The following TAOK1 variants were observed in gnomAD, a reference collection of about 807,000 sequenced individuals.
TAOK1 encodes the protein serine/threonine-protein kinase TAO1.
A neutral mutation model predicts 138.3 loss-of-function variants in TAOK1; 21 were observed. That is an observed-to-expected ratio of 0.15 (90% CI 0.11 to 0.22). The LOEUF is 0.22. Ranked by LOEUF, TAOK1 falls within the 10% of genes least tolerant of loss-of-function variation. TAOK1 has a pLI of 1.00. For missense variants in TAOK1, 651 were observed against 1,227.7 expected (o/e 0.53, Z 7.02); for synonymous variants, 361 against 398.4 (o/e 0.91, Z 1.12).
Position 29,530,392 on chromosome 17 carries a change from T to A in TAOK1, c.2149-15T>A, listed in dbSNP as rs1393516448. 1 of 1,608,994 alleles carries A rather than the reference T, an allele frequency of 6.2e-7. No individual in the cohort carries two copies. Among genetic ancestry groups the A allele is most frequent in the Admixed American group, 1.7e-5 (1 of 59,766 alleles). ...TCGTTACAACTTACATAAATGTATTTTTTTTTCTTCCCAGTCTAAAGAACT... is the reference window on the plus strand; with the variant it reads ...TCGTTACAACTTACATAAATGTATTATTTTTTCTTCCCAGTCTAAAGAACT... On this transcript the variant is annotated splice_polypyrimidine_tract_variant and intron_variant, in intron 17 of 19. Coordinates refer to ENST00000261716, the MANE Select transcript of TAOK1 (RefSeq NM_020791.4).
Position 29,463,035 on chromosome 17 carries a change from G to A in TAOK1, c.133-4110G>A, listed in dbSNP as rs184280188. The stretch of plus-strand genomic sequence containing the variant: ...AACACTTTTGCAAGCTTTTCTTACT[G>A]TTACTTTCTACTAGAACATTCCATC... On this transcript the variant is annotated intron_variant, in intron 2 of 19. Transcript: ENST00000261716. 2.9e-3 allele frequency among the ~76,000 whole-genome samples: 442 copies of A among 151,896 alleles called. 5 individuals carry two copies. The highest frequency in any genetic ancestry group is 2.5e-3 in the Non-Finnish European group (167 of 67,936).
rs1207349565 is a variant in TAOK1 at position 29,542,737 on chromosome 17, T to C, written c.2721T>C (p.Ala907=). 1 of 1,614,140 alleles carries C rather than the reference T, an allele frequency of 6.2e-7. No homozygotes were observed. Among genetic ancestry groups the C allele is most frequent in the Non-Finnish European group, 8.5e-7 (1 of 1,180,054 alleles). ...CATTCAGCCACAGCTACCCGGGAGC[T>C]TCTGGTTGGTCACACAACCCTACTG... ...PEAFSHSYPG[A]SGWSHNPTGG... The change falls in exon 20 of 20, where the codon GCT becomes GCC. Residue 907 remains alanine, a synonymous_variant. Transcript: ENST00000261716.
rs369185061 is a variant in TAOK1, at chr17:29,503,940, G to A, written c.1338+1217G>A. ...AGCCTGGCCAACATGGCGAAACCCC[G>A]TCTCTGCTAAAAATAGAAAAATCAG... On this transcript the variant is annotated intron_variant, in intron 13 of 19. Coordinates refer to ENST00000261716, the MANE Select transcript of TAOK1 (RefSeq NM_020791.4). Among the ~76,000 whole-genome samples the A allele has an allele frequency of 1.6e-4, 25 of 152,004 alleles. No homozygotes were observed. In the East Asian group the frequency reaches 2.1e-3, roughly 13 times the overall value.
chr17:29,448,943 A>G (rs1886051403), intron 1 of TAOK1, among the ~76,000 whole-genome samples: 1 of 152,120 alleles, frequency 6.6e-6, no homozygotes, highest in African/African-American at 2.4e-5. Flanking sequence ...TGGGGGCATA[A>G]AGGGAGAGTA....
intron 3 of TAOK1, 78 bp from the exon 4 acceptor site, chr17:29,475,592 T>C: frequency 1.0e-6 from 1 of 959,792 alleles, no homozygotes; most frequent in Non-Finnish European, 1.6e-6. Flanking sequence ...CTTCTAAATT[T>C]AGTAATTACT....
chr17:29,537,294 T>G (rs936776367), intron 19 of TAOK1, among the ~76,000 whole-genome samples: 36 of 152,310 alleles, frequency 2.4e-4, no homozygotes, highest in African/African-American at 8.7e-4. Flanking sequence ...GTGACACTTT[T>G]ATACAGTGTT....
At chr17:29,412,746 G>A (rs967412544) in intron 1 of TAOK1, among the ~76,000 whole-genome samples, 1 of 152,120 alleles carries the variant, frequency 6.6e-6, no homozygotes, top group African/African-American at 2.4e-5. Context: ...AGAGAATTTG[G>A]CAGTGAACTA....
chr17:29,510,302 G>A (rs544169458), intron 14 of TAOK1, among the ~76,000 whole-genome samples: 71 of 152,202 alleles, frequency 4.7e-4, no homozygotes, highest in African/African-American at 1.5e-3. Context: ...ACTTGAACCC[G>A]GGAAGCGGAG....
At position 29,542,765 on chromosome 17, in the gene TAOK1, G is replaced by T. The variant is rs770394398; in HGVS notation, c.2749G>T (p.Gly917Cys). 6.2e-7 allele frequency: 1 copy of T among 1,614,168 alleles called. No homozygotes were observed. The highest frequency in any genetic ancestry group is 1.1e-5 in the South Asian group (1 of 91,082). ...ASGWSHNPTG[G>C]PGPHWGHPMG... is the part of the protein sequence containing the mutation. ...TGGTTGGTCACACAACCCTACTGGG[G>T]GTCCAGGACCTCACTGGGGTCATCC... Residue 917 changes from glycine (G) to cysteine (C), a missense_variant, in exon 20 of 20, where the codon GGT (glycine) becomes TGT (cysteine). Gly to Cys is a radical substitution (Grantham distance 159). This residue lies in a region of TAOK1 where 108 missense variants were observed against 120.3 expected (regional missense o/e 0.90). Coordinates refer to ENST00000261716, the MANE Select transcript of TAOK1 (RefSeq NM_020791.4).
intron 1 of TAOK1, among the ~76,000 whole-genome samples, chr17:29,428,556 G>A (rs1250602849): frequency 6.6e-6 from 1 of 152,168 alleles, no homozygotes; most frequent in Admixed American, 6.5e-5. Flanking sequence ...CTATATGATA[G>A]TGAGCAAATT....
At chr17:29,448,018 A>ATC (rs2153023952) in intron 1 of TAOK1, among the ~76,000 whole-genome samples, 1 of 70,940 alleles carries the variant, frequency 1.4e-5, no homozygotes, top group East Asian at 7.1e-4. Flanking sequence ...TACCGAGTTT[A>ATC]TCTTTTTTTT....
chr17:29,497,104 T>C (rs1304376852), intron 11 of TAOK1, among the ~76,000 whole-genome samples: 1 of 152,092 alleles, frequency 6.6e-6, no homozygotes, highest in Non-Finnish European at 1.5e-5. Flanking sequence ...AAGTATATTA[T>C]GTGTAAAGCT....
In TAOK1 at chr17:29,551,054, T is replaced by C. The variant is rs1015445136; in HGVS notation, c.*8032T>C. 2.0e-5 allele frequency: 3 copies of C among 152,106 alleles called. No individual in the cohort carries two copies. Among genetic ancestry groups the C allele is most frequent in the African/African-American group, 7.2e-5 (3 of 41,384 alleles). 9.4% of individuals were successfully genotyped at this position (152,106 alleles called of 1,614,324 possible). On this transcript the variant is annotated 3_prime_UTR_variant, in exon 20 of 20. Transcript: ENST00000261716. ...AACCTTATCATTTCTGAGTAGACCA[T>C]TGAGCGATGAATGCACACCTGTAGT...
chr17:29,468,342 G>A (rs976506243), intron 3 of TAOK1, among the ~76,000 whole-genome samples: 5 of 151,170 alleles, frequency 3.3e-5, no homozygotes, highest in African/African-American at 7.3e-5. Flanking sequence ...TCACCATGTT[G>A]GCCAGACTGT....
In TAOK1 at chr17:29,533,005, A is replaced by ACGGGGCGGTTGG. The variant is rs1555568796; in HGVS notation, c.2362-1112_2362-1111insGGGGCGGTTGGC. 5.8e-5 allele frequency among the ~76,000 whole-genome samples: 4 copies of ACGGGGCGGTTGG among 68,476 alleles called. 1 individual carries two copies. Among genetic ancestry groups the ACGGGGCGGTTGG allele is most frequent in the African/African-American group, 1.1e-4 (2 of 17,444 alleles). 44.9% of individuals were successfully genotyped at this position (68,476 alleles called of 152,430 possible). ...CAGGGGGCTGACCCCCCCACCTCCA[A>ACGGGGCGGTTGG]CCGGGCGGGGGGCTGACCCCCACCT... is the stretch of plus-strand genomic sequence containing the variant. On this transcript the variant is annotated intron_variant, in intron 18 of 19. Coordinates refer to ENST00000261716, the MANE Select transcript of TAOK1 (RefSeq NM_020791.4).
At chr17:29,468,165 C>CTTTTTTT in intron 3 of TAOK1, among the ~76,000 whole-genome samples, 1 of 44,634 alleles carries the variant, frequency 2.2e-5, no homozygotes. Context: ...GAGCTGGAGT[C>CTTTTTTT]TCACTCTGCT....
intron 2 of TAOK1, among the ~76,000 whole-genome samples, chr17:29,459,452 T>G (rs905115847): frequency 2.0e-5 from 3 of 151,034 alleles, no homozygotes; most frequent in Non-Finnish European, 3.0e-5. Context: ...CGGCTGTTTG[T>G]TTTTTTTTAT....
At chr17:29,450,528 T>G (rs1386430938) in intron 1 of TAOK1, among the ~76,000 whole-genome samples, 1 of 151,506 alleles carries the variant, frequency 6.6e-6, no homozygotes, top group East Asian at 2.0e-4. Context: ...TTGTTTTGTT[T>G]TGAGACAGGA....
At chr17:29,473,058 G>A (rs997723057) in intron 3 of TAOK1, among the ~76,000 whole-genome samples, 1 of 152,168 alleles carries the variant, frequency 6.6e-6, no homozygotes, top group Admixed American at 6.5e-5. Flanking sequence ...ATCTTTCTGA[G>A]CAGTAAATCT....
Sources: gnomAD v4.1 joint callset for allele counts (sites outside exome capture counted in the v4.1 genomes callset) on GRCh38, gnomAD v4.1.1 for gene constraint, gnomAD v4.1.1 regional missense constraint, MANE v1.5 for transcripts, NCBI Gene and HGNC (gene_info 2026-07-23, HGNC 2026-07-21) for gene names.